Variants in TAFA1 observed in about 807,000 individuals in gnomAD.
The protein encoded by TAFA1 is TAFA chemokine like family member 1.
A neutral mutation model predicts 18.5 loss-of-function variants in TAFA1; 4 were observed. The observed-to-expected ratio is 0.22, with a 90% CI of 0.11 to 0.49. TAFA1 has a LOEUF of 0.49. Ranked by LOEUF, TAFA1 falls within the 20% of genes least tolerant of loss-of-function variation. TAFA1 has a pLI of 0.98. For synonymous variants in TAFA1, 56 were observed against 55.2 expected, an observed-to-expected ratio of 1.01 and a Z score of -0.06; for missense variants, 147 against 169.0, an observed-to-expected ratio of 0.87 and a Z score of 0.72.
chr3:68,339,094 A>G (rs899578424), intron 2 of TAFA1, among the ~76,000 whole-genome samples: 8 of 152,240 alleles, frequency 5.3e-5, no homozygotes, highest in Non-Finnish European at 8.8e-5. Flanking sequence ...GCATGGCCAA[A>G]ACCAATATCA....
intron 2 of TAFA1, among the ~76,000 whole-genome samples, chr3:68,218,984 A>G (rs1362800529): frequency 6.6e-6 from 1 of 150,426 alleles, no homozygotes; most frequent in Non-Finnish European, 1.5e-5. Flanking sequence ...TCTAAATAGT[A>G]CTACTCAATT....
chr3:68,296,667 C>A (rs1411399440), intron 2 of TAFA1, among the ~76,000 whole-genome samples: 2 of 152,044 alleles, frequency 1.3e-5, no homozygotes, highest in East Asian at 3.9e-4. Context: ...GATACACTTC[C>A]TGTTTCAACA....
At chr3:68,237,338 C>A (rs550217105) in intron 2 of TAFA1, among the ~76,000 whole-genome samples, 1 of 152,208 alleles carries the variant, frequency 6.6e-6, no homozygotes, top group East Asian at 1.9e-4. Flanking sequence ...ATCACCTCCC[C>A]AAGGTTTCAC....
In TAFA1 at chr3:68,164,630, C is replaced by CGTGTGTGTGTGTGT. The variant is rs1306831109; in HGVS notation, c.118+157904_118+157917dup. Among the ~76,000 whole-genome samples, 344 of 146,714 alleles carry CGTGTGTGTGTGTGT rather than the reference C, an allele frequency of 2.3e-3. 1 individual carries two copies. The highest frequency in any genetic ancestry group is 0.013 in the South Asian group (57 of 4,528). ...TCTACCACATTTGTTCCTTTTGCAA[C>CGTGTGTGTGTGTGT]GTGTGTGTGTGTGTGTGTGTGTGTG... On this transcript the variant is annotated intron_variant, in intron 2 of 4. Coordinates refer to ENST00000478136, the MANE Select transcript of TAFA1 (RefSeq NM_213609.4).
chr3:67,994,036 T>C, the TAFA1 span, among the ~76,000 whole-genome samples: 2 of 152,206 alleles, frequency 1.3e-5, no homozygotes, highest in African/African-American at 2.4e-5. Context: ...GTGTGATATA[T>C]ATTTTCAACA....
intron 2 of TAFA1, among the ~76,000 whole-genome samples, chr3:68,036,099 T>C (rs1705041341): frequency 6.6e-6 from 1 of 152,162 alleles, no homozygotes; most frequent in East Asian, 1.9e-4. Flanking sequence ...TGGCTGTAGT[T>C]ACATGGCTGT....
chr3:68,294,289 A>G (rs550810164), intron 2 of TAFA1, among the ~76,000 whole-genome samples: 2 of 152,338 alleles, frequency 1.3e-5, no homozygotes, highest in Admixed American at 6.5e-5. Flanking sequence ...CACATTTTAA[A>G]AAGTAAAAAA....
intron 2 of TAFA1, among the ~76,000 whole-genome samples, chr3:68,376,261 CTTTTA>C (rs1283471706): frequency 6.7e-6 from 1 of 149,396 alleles, no homozygotes; most frequent in African/African-American, 2.5e-5. Flanking sequence ...TTTTTTTTAA[CTTTTA>C]TTTTAAGTTC....
intron 2 of TAFA1, among the ~76,000 whole-genome samples, chr3:68,242,291 C>T (rs2067009961): frequency 6.6e-6 from 1 of 152,114 alleles, no homozygotes; most frequent in Non-Finnish European, 1.5e-5. Flanking sequence ...ATTACATACA[C>T]CAGAACTAAT....
chr3:68,376,103 A>G (rs748954368), intron 2 of TAFA1, among the ~76,000 whole-genome samples: 2 of 152,146 alleles, frequency 1.3e-5, no homozygotes, highest in Non-Finnish European at 2.9e-5. Flanking sequence ...ACAACTGATC[A>G]GGATATAGGC....
intron 2 of TAFA1, among the ~76,000 whole-genome samples, chr3:68,166,536 G>A (rs2065983615): frequency 5.3e-5 from 8 of 152,134 alleles, no homozygotes; most frequent in Admixed American, 5.2e-4. Context: ...ACAGCCAATG[G>A]GGTGTGTTGC....
At chr3:68,409,210 C>G (rs534921131) in intron 2 of TAFA1, among the ~76,000 whole-genome samples, 2 of 152,124 alleles carry the variant, frequency 1.3e-5, no homozygotes, top group African/African-American at 4.8e-5. Context: ...TACACTCCCC[C>G]CTTAGCATAT....
chr3:68,281,228 A>T (rs970718592), intron 2 of TAFA1, among the ~76,000 whole-genome samples: 1 of 152,148 alleles, frequency 6.6e-6, no homozygotes, highest in Non-Finnish European at 1.5e-5. Flanking sequence ...TTAAGTCTCA[A>T]AAGGTTAAAG....
At chr3:68,464,346 G>T (rs184198546) in intron 3 of TAFA1, among the ~76,000 whole-genome samples, 1 of 152,166 alleles carries the variant, frequency 6.6e-6, no homozygotes, top group Non-Finnish European at 1.5e-5. Context: ...AACAAAACCA[G>T]GTAGAGAGAG....
intron 2 of TAFA1, among the ~76,000 whole-genome samples, chr3:68,294,536 A>T (rs1425851300): frequency 6.6e-6 from 1 of 152,230 alleles, no homozygotes; most frequent in East Asian, 1.9e-4. Context: ...CATTTAGAGA[A>T]AAAAATGTTT....
At chr3:68,084,810 A>C (rs1474797060) in intron 2 of TAFA1, among the ~76,000 whole-genome samples, 3 of 151,932 alleles carry the variant, frequency 2.0e-5, no homozygotes, top group Admixed American at 6.6e-5. Flanking sequence ...AAAAAAAAAA[A>C]AACCAAAAAA....
chr3:68,521,856 G>GTTTTTTTTTTTCTTTTTTTTTT (rs2073029967), intron 3 of TAFA1, among the ~76,000 whole-genome samples: 1 of 70,858 alleles, frequency 1.4e-5, no homozygotes, highest in Non-Finnish European at 2.4e-5. Context: ...GTTTTTTTCT[G>GTTTTTTTTTTTCTTTTTTTTTT]TTTTTTTTTT....
chr3:68,368,965 A>G (rs2069626749), intron 2 of TAFA1, among the ~76,000 whole-genome samples: 1 of 152,224 alleles, frequency 6.6e-6, no homozygotes, highest in Admixed American at 6.5e-5. Flanking sequence ...AAAGCATCTG[A>G]TGAACATAAA....
intron 2 of TAFA1, among the ~76,000 whole-genome samples, chr3:68,388,528 T>G (rs150952342): frequency 6.6e-6 from 1 of 152,266 alleles, no homozygotes; most frequent in East Asian, 1.9e-4. Context: ...TTTCCATTTT[T>G]GCTGTATTCA....
Sources: allele counts gnomAD v4.1 joint callset (sites outside exome capture counted in the v4.1 genomes callset), GRCh38; gene constraint gnomAD v4.1.1; transcripts MANE v1.5; gene names NCBI Gene and HGNC (gene_info 2026-07-23, HGNC 2026-07-21).